Variants in SLC4A10 observed in about 807,000 individuals in gnomAD.
SLC4A10 encodes solute carrier family 4 member 10.
A neutral mutation model predicts 137.7 loss-of-function variants in SLC4A10; 42 were observed. The observed-to-expected ratio is 0.30, with a 90% CI of 0.24 to 0.39. The LOEUF (loss-of-function observed/expected upper bound fraction) is 0.39. Ranked by LOEUF, SLC4A10 falls within the 10% of genes least tolerant of loss-of-function variation. SLC4A10 has a pLI of 1.00. For synonymous variants in SLC4A10, 474 were observed against 464.1 expected, an observed-to-expected ratio of 1.02 and a Z score of -0.27; for missense variants, 925 against 1,355.0, an observed-to-expected ratio of 0.68 and a Z score of 4.98.
At chr2:161,803,445 A>G (rs2055587980) in intron 2 of SLC4A10, among the ~76,000 whole-genome samples, 1 of 152,150 alleles carries the variant, frequency 6.6e-6, no homozygotes, top group South Asian at 2.1e-4. Flanking sequence ...CAAATGTTTA[A>G]TGACATGTAT....
chr2:161,972,651 T>A (rs1698759586), intron 23 of SLC4A10, among the ~76,000 whole-genome samples: 1 of 152,186 alleles, frequency 6.6e-6, no homozygotes, highest in African/African-American at 2.4e-5. Flanking sequence ...AAGGGTAATG[T>A]ACATGCCATT....
chr2:161,889,876 T>C (rs2062735365), intron 10 of SLC4A10, among the ~76,000 whole-genome samples: 1 of 152,186 alleles, frequency 6.6e-6, no homozygotes, highest in African/African-American at 2.4e-5. Context: ...TTAACTGTGA[T>C]GTTAGGGTGT....
intron 3 of SLC4A10, among the ~76,000 whole-genome samples, chr2:161,822,972 CA>C (rs1220420730): frequency 2.0e-5 from 3 of 150,506 alleles, no homozygotes; most frequent in African/African-American, 4.9e-5. Flanking sequence ...GAAACTGTCT[CA>C]AAAAAAATTA....
intron 9 of SLC4A10, 61 bp from the exon 10 acceptor site, chr2:161,882,296 G>T: frequency 2.0e-6 from 2 of 986,408 alleles, no homozygotes; most frequent in Non-Finnish European, 1.5e-6. Flanking sequence ...GAGTGATTCT[G>T]TATTACTAAA....
At chr2:161,755,283 A>G (rs1419135207) in intron 1 of SLC4A10, among the ~76,000 whole-genome samples, 3 of 152,210 alleles carry the variant, frequency 2.0e-5, no homozygotes, top group African/African-American at 4.8e-5. Context: ...TATTCATATC[A>G]CATTAATTCA....
At chr2:161,981,414 G>A (rs2106023624) in intron 26 of SLC4A10, among the ~76,000 whole-genome samples, 1 of 152,284 alleles carries the variant, frequency 6.6e-6, no homozygotes, top group African/African-American at 2.4e-5. Flanking sequence ...GAGCCTAGAG[G>A]CCATCTAGTC....
At chr2:161,685,285 C>T (rs2041261603) in intron 1 of SLC4A10, among the ~76,000 whole-genome samples, 1 of 152,104 alleles carries the variant, frequency 6.6e-6, no homozygotes, top group Non-Finnish European at 1.5e-5. Flanking sequence ...GGCAGTCATT[C>T]TGTGAGGTAT....
At chr2:161,945,388 A>G (rs529376195) in intron 16 of SLC4A10, among the ~76,000 whole-genome samples, 4 of 151,370 alleles carry the variant, frequency 2.6e-5, no homozygotes, top group African/African-American at 9.7e-5. Context: ...GCCAACTTTA[A>G]TTTCTTATTC....
intron 1 of SLC4A10, among the ~76,000 whole-genome samples, chr2:161,742,396 A>G (rs2047982379): frequency 6.8e-6 from 1 of 147,912 alleles, no homozygotes; most frequent in East Asian, 2.0e-4. Flanking sequence ...GGAAACCTGC[A>G]TACGGTTCTC....
intron 2 of SLC4A10, among the ~76,000 whole-genome samples, chr2:161,773,301 A>C (rs891985574): frequency 6.6e-6 from 1 of 151,712 alleles, no homozygotes; most frequent in Non-Finnish European, 1.5e-5. Flanking sequence ...TCATGACCTA[A>C]ATACTTCCCA....
chr2:161,933,193 TTCTTTC>T (rs1690808602), intron 15 of SLC4A10, among the ~76,000 whole-genome samples: 1 of 89,978 alleles, frequency 1.1e-5, no homozygotes, highest in Non-Finnish European at 2.4e-5. Flanking sequence ...TTTTCTTTCT[TTCTTTC>T]TTTCTTTCTT....
chr2:161,759,859 T>C (rs2050063582), intron 1 of SLC4A10, among the ~76,000 whole-genome samples: 1 of 152,066 alleles, frequency 6.6e-6, no homozygotes, highest in Non-Finnish European at 1.5e-5. Context: ...AGATTAAATG[T>C]CTTTCTTGAA....
intron 2 of SLC4A10, among the ~76,000 whole-genome samples, chr2:161,790,698 A>C (rs2054102716): frequency 6.6e-6 from 1 of 152,314 alleles, no homozygotes; most frequent in Middle Eastern, 3.4e-3. Context: ...ACCTGTGCAC[A>C]TCTTATAATA....
intron 11 of SLC4A10, among the ~76,000 whole-genome samples, chr2:161,900,511 A>T (rs1376159808): frequency 6.6e-6 from 1 of 151,990 alleles, no homozygotes; most frequent in African/African-American, 2.4e-5. Flanking sequence ...ATTTTTCTTC[A>T]TAGCTCCCAT....
At chr2:161,665,879 G>T (rs1277611442) in intron 1 of SLC4A10, among the ~76,000 whole-genome samples, 1 of 149,600 alleles carries the variant, frequency 6.7e-6, no homozygotes, top group Non-Finnish European at 1.5e-5. Context: ...CCAAATGTTT[G>T]CTCTTTCTAT....
chr2:161,964,002 T>C (rs1697166979), intron 21 of SLC4A10, 133 bp from the exon 22 acceptor site: 5 of 638,248 alleles, frequency 7.8e-6, no homozygotes, highest in Non-Finnish European at 1.3e-5. Flanking sequence ...ATTGTCTTGA[T>C]GCCGAGATAT....
intron 16 of SLC4A10, among the ~76,000 whole-genome samples, chr2:161,945,184 A>ATATG (rs1693530572): frequency 2.3e-4 from 1 of 4,264 alleles, no homozygotes; most frequent in East Asian, 1.6e-3. Context: ...GTTTGTGTGT[A>ATATG]TATATATATA....
chr2:161,660,820 AT>A lies in SLC4A10; in HGVS notation c.48+36264del, dbSNP rs951523758. Among the ~76,000 whole-genome samples, 108 of 148,754 alleles carry A rather than the reference AT, an allele frequency of 7.3e-4. 1 individual carries two copies. Among genetic ancestry groups the A allele is most frequent in the African/African-American group, 2.3e-3 (94 of 40,286 alleles). On this transcript the variant is annotated intron_variant, in intron 1 of 26. Coordinates refer to ENST00000446997, the MANE Select transcript of SLC4A10 (RefSeq NM_001178015.2). Reference sequence around the variant, plus strand: ...AGGCGCCCACCACCACACCCAGCTAATTTTTTTTTTATTTTTATTTTTAGTA... The same window carrying A: ...AGGCGCCCACCACCACACCCAGCTAATTTTTTTTTATTTTTATTTTTAGTA...
chr2:161,845,988 C>A (rs913699885), intron 4 of SLC4A10, among the ~76,000 whole-genome samples: 1 of 151,928 alleles, frequency 6.6e-6, no homozygotes, highest in Non-Finnish European at 1.5e-5. Flanking sequence ...TTGAACTTTA[C>A]CAAAATTAAA....
Sources: gnomAD v4.1 joint callset for allele counts (sites outside exome capture counted in the v4.1 genomes callset) on GRCh38, gnomAD v4.1.1 for gene constraint, MANE v1.5 for transcripts, NCBI Gene and HGNC (gene_info 2026-07-23, HGNC 2026-07-21) for gene names.